SLC9A9: variants seen among roughly 807,000 people sequenced by gnomAD.
The protein encoded by SLC9A9 is sodium/hydrogen exchanger 9.
Under a neutral mutation model 77.8 loss-of-function variants are expected in SLC9A9, and 62 were observed. The observed-to-expected ratio is 0.80, with a 90% CI of 0.65 to 0.98. The LOEUF is 0.98. Among genes scored for constraint, SLC9A9 ranks in the 50% least tolerant of loss-of-function variants. SLC9A9 has a pLI of 0.00. For synonymous variants in SLC9A9, 320 were observed against 283.5 expected, an observed-to-expected ratio of 1.13 and a Z score of -1.29; for missense variants, 775 against 774.9, an observed-to-expected ratio of 1.00 and a Z score of 0.00.
intron 6 of SLC9A9, among the ~76,000 whole-genome samples, chr3:143,596,265 A>G (rs1328107302): frequency 6.6e-6 from 1 of 152,234 alleles, no homozygotes; most frequent in Admixed American, 6.5e-5. Flanking sequence ...AGCAGATAAT[A>G]TAAATCCTAA....
chr3:143,812,989 A>G (rs932638297), intron 2 of SLC9A9, among the ~76,000 whole-genome samples: 3 of 152,182 alleles, frequency 2.0e-5, no homozygotes, highest in Admixed American at 6.5e-5. Flanking sequence ...CTGTGTATAG[A>G]AAGAGTAACT....
chr3:143,803,703 A>G (rs2008631223), intron 2 of SLC9A9, among the ~76,000 whole-genome samples: 2 of 152,016 alleles, frequency 1.3e-5, no homozygotes, highest in African/African-American at 4.8e-5. Flanking sequence ...CCACCACGCT[A>G]TCAACCTTAC....
chr3:143,722,429 G>T (rs1201272372), intron 4 of SLC9A9, among the ~76,000 whole-genome samples: 1 of 128,382 alleles, frequency 7.8e-6, no homozygotes, highest in Non-Finnish European at 1.5e-5. Flanking sequence ...GCCGAGATCA[G>T]GCCACTGCAC....
intron 12 of SLC9A9, among the ~76,000 whole-genome samples, chr3:143,397,739 C>G (rs1228484144): frequency 6.6e-6 from 1 of 152,024 alleles, no homozygotes; most frequent in Non-Finnish European, 1.5e-5. Context: ...CATTGCTGCT[C>G]TTTGATGTGC....
Position 143,552,308 on chromosome 3 carries a change from A to G in SLC9A9, c.1089+54T>C, listed in dbSNP as rs2036903527. On this transcript the variant is annotated intron_variant, in intron 9 of 15. Transcript: ENST00000316549. ...CTGACTATACTGCCAGAATTGCTAC[A>G]TAACCATTTCACTGAGAAAAGAGAC... 1.3e-5 allele frequency: 17 copies of G among 1,326,690 alleles called. No homozygotes were observed. In the Admixed American group the frequency reaches 3.0e-4, roughly 24 times the overall value. The allele number at this position is 1,326,690 out of a possible 1,614,324, so 82.2% of individuals were successfully genotyped here. A position where few individuals can be genotyped will look rare whatever the true frequency, so the allele number is the denominator to read the frequency against.
At chr3:143,615,888 T>C (rs987244692) in intron 6 of SLC9A9, among the ~76,000 whole-genome samples, 4 of 151,496 alleles carry the variant, frequency 2.6e-5, no homozygotes, top group Admixed American at 1.3e-4. Flanking sequence ...AAATTTCTTT[T>C]TTTTTTTTTT....
At chr3:143,477,330 A>ATTTTT (rs59195338) in intron 11 of SLC9A9, among the ~76,000 whole-genome samples, 2,573 of 99,900 alleles carry the variant, frequency 0.026, 59 homozygotes, top group African/African-American at 0.043. Context: ...GGCTTCTTCA[A>ATTTTT]TTTTTTTTTT....
At chr3:143,692,321 A>T (rs1933495755) in intron 5 of SLC9A9, among the ~76,000 whole-genome samples, 1 of 152,206 alleles carries the variant, frequency 6.6e-6, no homozygotes. Context: ...CAATAAGACA[A>T]TTAGGAATAT....
At chr3:143,826,328 T>G (rs1215048284) in intron 2 of SLC9A9, among the ~76,000 whole-genome samples, 1 of 152,096 alleles carries the variant, frequency 6.6e-6, no homozygotes, top group Non-Finnish European at 1.5e-5. Context: ...TTCTTCTAAC[T>G]TTTAACTTCC....
In SLC9A9 at chr3:143,599,124, T is replaced by C. The variant is rs16853929; in HGVS notation, c.756-20401A>G. ...ACCAGATGGGACTGTGGCAGAAGAA[T>C]AGTTAGGTGAAGAAAGCCTACCGTG... On this transcript the variant is annotated intron_variant, in intron 6 of 15. Coordinates refer to ENST00000316549, the MANE Select transcript of SLC9A9 (RefSeq NM_173653.4). Among the ~76,000 whole-genome samples the C allele has an allele frequency of 6.3e-3, 952 of 152,300 alleles. 12 individuals are homozygous for C. Among genetic ancestry groups the C allele is most frequent in the African/African-American group, 0.022 (903 of 41,566 alleles).
intron 14 of SLC9A9, among the ~76,000 whole-genome samples, chr3:143,316,764 A>G (rs966204442): frequency 7.9e-5 from 12 of 152,214 alleles, no homozygotes; most frequent in African/African-American, 1.9e-4. Context: ...ATGAGAAGGA[A>G]AAACATATTG....
chr3:143,675,955 C>T (rs888264962), intron 5 of SLC9A9, among the ~76,000 whole-genome samples: 2 of 152,112 alleles, frequency 1.3e-5, no homozygotes, highest in African/African-American at 2.4e-5. Flanking sequence ...GTACAGAGGT[C>T]CTCAATGTTT....
intron 11 of SLC9A9, among the ~76,000 whole-genome samples, chr3:143,469,212 G>A (rs1348174721): frequency 6.6e-6 from 1 of 152,014 alleles, no homozygotes; most frequent in Admixed American, 6.6e-5. Flanking sequence ...AAATCGAAAC[G>A]TGATGACACT....
chr3:143,603,465 C>T (rs568241440), intron 6 of SLC9A9, among the ~76,000 whole-genome samples: 4 of 152,202 alleles, frequency 2.6e-5, no homozygotes, highest in Non-Finnish European at 5.9e-5. Flanking sequence ...CTCTTTCATT[C>T]TCTCACAATA....
chr3:143,729,028 G>A (rs1053520643), intron 4 of SLC9A9, among the ~76,000 whole-genome samples: 2 of 152,124 alleles, frequency 1.3e-5, no homozygotes, highest in Non-Finnish European at 2.9e-5. Flanking sequence ...GCCTCATAAT[G>A]AAAGTAAGTG....
At chr3:143,813,310 T>A (rs916953783) in intron 2 of SLC9A9, among the ~76,000 whole-genome samples, 20 of 152,018 alleles carry the variant, frequency 1.3e-4, no homozygotes, top group African/African-American at 4.8e-4. Flanking sequence ...GATGAAAAGA[T>A]CCATATCTCG....
intron 2 of SLC9A9, among the ~76,000 whole-genome samples, chr3:143,829,597 A>G (rs1159810402): frequency 6.6e-6 from 1 of 152,240 alleles, no homozygotes; most frequent in Non-Finnish European, 1.5e-5. Context: ...ATTATATACA[A>G]GTATCCATTA....
intron 14 of SLC9A9, among the ~76,000 whole-genome samples, chr3:143,277,647 T>C (rs1578256182): frequency 6.6e-6 from 1 of 152,336 alleles, no homozygotes. Flanking sequence ...TTGGCTCAAG[T>C]TGTTTTGAAA....
intron 12 of SLC9A9, among the ~76,000 whole-genome samples, chr3:143,434,152 A>T (rs1319306771): frequency 1.3e-5 from 2 of 152,196 alleles, no homozygotes; most frequent in African/African-American, 2.4e-5. Flanking sequence ...TTTACAGCTC[A>T]AGTCCTAGCA....
Sources: gnomAD v4.1 joint callset for allele counts (sites outside exome capture counted in the v4.1 genomes callset) on GRCh38, gnomAD v4.1.1 for gene constraint, MANE v1.5 for transcripts, NCBI Gene and HGNC (gene_info 2026-07-23, HGNC 2026-07-21) for gene names.